OR10J1: variants seen among roughly 807,000 people sequenced by gnomAD.
The protein encoded by OR10J1 is olfactory receptor 10J1.
For missense variants in OR10J1, 474 were observed against 376.6 expected (o/e 1.26, Z -2.14); for synonymous variants, 202 against 143.8 (o/e 1.40, Z -2.89).
chr1:159,440,140 G>A lies in OR10J1; in HGVS notation c.349G>A (p.Ala117Thr). ...FGITNCFLLT[A>T]MGYDRYVAIC... ...CATCACTAACTGCTTCCTGCTCACA[G>A]CAATGGGATATGACCGCTATGTGGC... The change falls in exon 1 of 1, where the codon GCA (alanine) becomes ACA (threonine). Residue 117 changes from alanine to threonine, a missense_variant. Coordinates refer to ENST00000423932, the MANE Select transcript of OR10J1 (RefSeq NM_012351.3). The A allele has an allele frequency of 1.9e-6, 3 of 1,614,126 alleles. No individual in the cohort carries two copies. Among genetic ancestry groups the A allele is most frequent in the Non-Finnish European group, 2.5e-6 (3 of 1,180,014 alleles).
chr1:159,426,925 T>C, the OR10J1 span, among the ~76,000 whole-genome samples: 1 of 151,956 alleles, frequency 6.6e-6, no homozygotes, highest in Non-Finnish European at 1.5e-5. Context: ...ATTTACTCAT[T>C]CAGTCTTTAA....
upstream of OR10J1, chr1:159,433,070 T>C: frequency 2.2e-6 from 1 of 450,484 alleles, no homozygotes; most frequent in Non-Finnish European, 4.0e-6. Flanking sequence ...CCCTGTTGTA[T>C]ACAGCCTGAG....
At chr1:159,398,604 T>A in the OR10J1 span, among the ~76,000 whole-genome samples, 1 of 152,050 alleles carries the variant, frequency 6.6e-6, no homozygotes, top group African/African-American at 2.4e-5. Context: ...TGCTGAAAAA[T>A]GCAATTGGTA....
At chr1:159,426,874 C>A in the OR10J1 span, among the ~76,000 whole-genome samples, 285 of 151,970 alleles carry the variant, frequency 1.9e-3, 1 homozygote, top group South Asian at 5.2e-3. Flanking sequence ...ACGTGTATAG[C>A]ACTTACTATA....
chr1:159,397,718 C>T, the OR10J1 span, among the ~76,000 whole-genome samples: 1 of 152,148 alleles, frequency 6.6e-6, no homozygotes, highest in African/African-American at 2.4e-5. Flanking sequence ...GGTTTCCGTG[C>T]CAGCTCAGCT....
At chr1:159,404,580 C>G in the OR10J1 span, among the ~76,000 whole-genome samples, 2 of 152,022 alleles carry the variant, frequency 1.3e-5, no homozygotes, top group African/African-American at 4.8e-5. Context: ...AGAGAAGATG[C>G]TTTTTTCCCC....
the OR10J1 span, among the ~76,000 whole-genome samples, chr1:159,419,988 T>G: frequency 6.6e-6 from 1 of 152,198 alleles, no homozygotes; most frequent in African/African-American, 2.4e-5. Flanking sequence ...TAATATTTTT[T>G]GTATATGGAT....
chr1:159,432,199 C>A, the OR10J1 span: 10 of 400,652 alleles, frequency 2.5e-5, no homozygotes, highest in Non-Finnish European at 4.0e-5. Context: ...CTCAGATTCT[C>A]CTCAATGCCA....
chr1:159,399,428 G>A, the OR10J1 span, among the ~76,000 whole-genome samples: 26 of 151,696 alleles, frequency 1.7e-4, 1 homozygote, highest in African/African-American at 5.3e-4. Flanking sequence ...AAAATTAGCC[G>A]GGCATCGTGG....
At chr1:159,429,850 T>C in the OR10J1 span, among the ~76,000 whole-genome samples, 2 of 152,096 alleles carry the variant, frequency 1.3e-5, no homozygotes, top group Non-Finnish European at 2.9e-5. Context: ...AAGGTCCTGG[T>C]AGGTTCTGTT....
upstream of OR10J1, among the ~76,000 whole-genome samples, chr1:159,435,595 G>T (rs4656234): frequency 5.0e-4 from 76 of 152,264 alleles, no homozygotes; most frequent in Middle Eastern, 0.01. Context: ...AGCTCTAGGT[G>T]ACAGAAATAG....
At chr1:159,412,871 A>G in the OR10J1 span, among the ~76,000 whole-genome samples, 1 of 151,852 alleles carries the variant, frequency 6.6e-6, no homozygotes, top group Non-Finnish European at 1.5e-5. Flanking sequence ...TCTGCACAGC[A>G]AAAGAAACTA....
In OR10J1 at chr1:159,440,333, GC is replaced by G. The variant is rs1558011102; in HGVS notation, c.545del (p.Pro182LeufsTer2). ...GTGCCCCACTTCTTCTGTGACATCC[GC>G]CCTGTGATGAAGCTCTCCTGCATTG... ...RKVPHFFCDI[R>X]PVMKLSCIDT... On this transcript the variant is annotated frameshift_variant, in exon 1 of 1. Transcript: ENST00000423932. LOFTEE classifies it low-confidence loss of function (END_TRUNC). The G allele has an allele frequency of 3.7e-6, 6 of 1,614,106 alleles. No individual in the cohort carries two copies. The highest frequency in any genetic ancestry group is 1.6e-4 in the Middle Eastern group (1 of 6,062).
At chr1:159,422,210 G>T in the OR10J1 span, among the ~76,000 whole-genome samples, 2 of 152,082 alleles carry the variant, frequency 1.3e-5, no homozygotes, top group Admixed American at 6.5e-5. Flanking sequence ...ATCTGGGCTG[G>T]GCAGTCTCCC....
the OR10J1 span, among the ~76,000 whole-genome samples, chr1:159,399,572 A>G: frequency 1.6e-5 from 1 of 61,934 alleles, no homozygotes; most frequent in Non-Finnish European, 3.0e-5. Context: ...TTCTGTCTCA[A>G]AAAAAAAAAA....
At chr1:159,399,042 G>GAA in the OR10J1 span, among the ~76,000 whole-genome samples, 1 of 150,494 alleles carries the variant, frequency 6.6e-6, no homozygotes, top group Admixed American at 6.6e-5. Flanking sequence ...AGCAGTCAGA[G>GAA]AAAAAAAACA....
At chr1:159,413,977 T>C in the OR10J1 span, among the ~76,000 whole-genome samples, 15 of 152,038 alleles carry the variant, frequency 9.9e-5, no homozygotes, top group Non-Finnish European at 1.9e-4. Context: ...GCACATAATA[T>C]TTTACATATT....
the OR10J1 span, among the ~76,000 whole-genome samples, chr1:159,421,382 T>G: frequency 6.6e-6 from 1 of 152,182 alleles, no homozygotes; most frequent in South Asian, 2.1e-4. Context: ...AAATTCTTTT[T>G]TGGGGATTTG....
upstream of OR10J1, among the ~76,000 whole-genome samples, chr1:159,435,674 G>A (rs75995782): frequency 0.016 from 2,449 of 152,150 alleles, 32 homozygotes; most frequent in Middle Eastern, 0.024. Flanking sequence ...AGCCCTATCC[G>A]GGGCCCTGAA....
Sources: allele counts gnomAD v4.1 joint callset (sites outside exome capture counted in the v4.1 genomes callset), GRCh38; gene constraint gnomAD v4.1.1; transcripts MANE v1.5; gene names NCBI Gene and HGNC (gene_info 2026-07-23, HGNC 2026-07-21).